Variants in FBXL17 observed in about 807,000 individuals in gnomAD.
FBXL17 encodes F-box/LRR-repeat protein 17.
FBXL17 carries 22 observed loss-of-function variants against 66.2 expected under a neutral mutation model. The observed-to-expected ratio is 0.33, with a 90% CI of 0.24 to 0.47. The LOEUF (loss-of-function observed/expected upper bound fraction) is 0.47, where lower values mean the gene tolerates loss of function less well. Ranked by LOEUF, FBXL17 falls within the 20% of genes least tolerant of loss-of-function variation. The pLI is 1.00. For missense variants in FBXL17, 878 were observed against 948.2 expected, an observed-to-expected ratio of 0.93 and a Z score of 0.97; for synonymous variants, 474 against 400.5, an observed-to-expected ratio of 1.18 and a Z score of -2.19.
In FBXL17 at chr5:108,042,581, G is replaced by A. The variant is rs148698208; in HGVS notation, c.1746-21580C>T. ...TCTCTGGAGATTCATCAAGGTTGCT[G>A]CGTCTACAAATAGTCTGTACCTTTT... On this transcript the variant is annotated intron_variant, in intron 6 of 8. Transcript: ENST00000542267. Among the ~76,000 whole-genome samples the A allele has an allele frequency of 1.6e-3, 249 of 152,326 alleles. 1 individual carries two copies. The highest frequency in any genetic ancestry group is 5.6e-3 in the African/African-American group (234 of 41,582).
At chr5:108,085,495 ATTC>A (rs1397180704) in intron 6 of FBXL17, among the ~76,000 whole-genome samples, 1 of 152,212 alleles carries the variant, frequency 6.6e-6, no homozygotes, top group African/African-American at 2.4e-5. Context: ...TAAGCTAATT[ATTC>A]TTCTTTACCT....
intron 3 of FBXL17, among the ~76,000 whole-genome samples, chr5:108,357,168 T>C (rs187817897): frequency 6.6e-6 from 1 of 152,078 alleles, no homozygotes; most frequent in East Asian, 1.9e-4. Flanking sequence ...TTACAATTAT[T>C]AACTAAAAAC....
intron 6 of FBXL17, among the ~76,000 whole-genome samples, chr5:108,058,290 G>A (rs755928307): frequency 1.1e-4 from 17 of 152,158 alleles, no homozygotes; most frequent in Non-Finnish European, 2.2e-4. Context: ...TGAGGTAAAT[G>A]TGATTGCAAA....
intron 8 of FBXL17, among the ~76,000 whole-genome samples, chr5:107,868,131 A>C (rs1357132898): frequency 1.3e-5 from 2 of 152,196 alleles, no homozygotes; most frequent in Non-Finnish European, 2.9e-5. Context: ...CCTATTTCAC[A>C]CAGCTAGCAA....
chr5:107,978,802 G>A (rs1752689612), intron 7 of FBXL17, among the ~76,000 whole-genome samples: 1 of 152,164 alleles, frequency 6.6e-6, no homozygotes, highest in South Asian at 2.1e-4. Flanking sequence ...TAATAACTCT[G>A]TTGTCTTGCA....
chr5:108,305,663 A>G (rs928583533), intron 4 of FBXL17, among the ~76,000 whole-genome samples: 15 of 152,080 alleles, frequency 9.9e-5, no homozygotes, highest in African/African-American at 3.4e-4. Flanking sequence ...AGCTAAGACT[A>G]CAAGTTCAGT....
intron 7 of FBXL17, among the ~76,000 whole-genome samples, chr5:107,897,740 T>C (rs1201931954): frequency 6.6e-6 from 1 of 151,348 alleles, no homozygotes; most frequent in Non-Finnish European, 1.5e-5. Flanking sequence ...AGATACAACA[T>C]GTAACAGTCT....
chr5:108,095,005 C>T (rs1291860405), intron 6 of FBXL17, among the ~76,000 whole-genome samples: 1 of 151,954 alleles, frequency 6.6e-6, no homozygotes, highest in African/African-American at 2.4e-5. Context: ...GAGGAAAAAA[C>T]TTGCTTCTCT....
chr5:108,288,816 G>C (rs142184565), intron 4 of FBXL17, among the ~76,000 whole-genome samples: 1 of 151,908 alleles, frequency 6.6e-6, no homozygotes, highest in African/African-American at 2.4e-5. Flanking sequence ...AATGGAGAGA[G>C]AGGTATCTAC....
intron 8 of FBXL17, among the ~76,000 whole-genome samples, chr5:107,873,271 GCTGCCCATTTGCTTGTCCTCTCCCAAGA>G (rs1365691696): frequency 2.0e-5 from 3 of 152,190 alleles, no homozygotes; most frequent in African/African-American, 7.2e-5. Flanking sequence ...CAGTACTGTA[GCTGCCCATTTGCTTGTCCTCTCCCAAGA>G]GGCTGCAGGC....
intron 7 of FBXL17, among the ~76,000 whole-genome samples, chr5:108,004,192 T>C (rs1753842733): frequency 6.6e-6 from 1 of 152,176 alleles, no homozygotes; most frequent in Non-Finnish European, 1.5e-5. Context: ...AATTCCTAAA[T>C]TGTATACCCA....
rs189561264 is a variant in FBXL17, at chr5:108,335,536, C to T, written c.1506+12863G>A. On this transcript the variant is annotated intron_variant, in intron 4 of 8. Transcript: ENST00000542267. The stretch of plus-strand genomic sequence containing the variant: ...CACTAAGGTGATTACAAGTTGACTC[C>T]AATAACTGGAAGTTCATTTCTACAA... Among the ~76,000 whole-genome samples, 17 of 151,956 alleles carry T rather than the reference C, an allele frequency of 1.1e-4. 1 individual carries two copies. The East Asian group carries it at 3.3e-3, about 29-fold the overall frequency.
rs528499866 is a variant in FBXL17, at chr5:108,354,722, AAGG to A, written c.1375-6195_1375-6193del. On this transcript the variant is annotated intron_variant, in intron 3 of 8. Coordinates refer to ENST00000542267, the MANE Select transcript of FBXL17 (RefSeq NM_001163315.3). ...ATCATTTTCAAACTGCAAAAAATCA[AAGG>A]TTAAAAAAAAAAAGAAAAAAAAAAG... Among the ~76,000 whole-genome samples, 854 of 151,794 alleles carry A rather than the reference AAGG, an allele frequency of 5.6e-3. 4 individuals carry two copies. Among genetic ancestry groups the A allele is most frequent in the Admixed American group, 0.011 (165 of 15,266 alleles).
At chr5:108,185,584 C>G (rs1172242108) in intron 6 of FBXL17, among the ~76,000 whole-genome samples, 2 of 151,908 alleles carry the variant, frequency 1.3e-5, no homozygotes, top group South Asian at 4.2e-4. Context: ...CTAATATAGG[C>G]GCAGTGGTGT....
chr5:108,222,793 C>T (rs1754926353), intron 5 of FBXL17, among the ~76,000 whole-genome samples: 2 of 151,264 alleles, frequency 1.3e-5, no homozygotes, highest in South Asian at 4.2e-4. Flanking sequence ...CCCATCTCAG[C>T]CTCCCAAGTA....
intron 7 of FBXL17, among the ~76,000 whole-genome samples, chr5:107,940,093 T>C (rs1325259927): frequency 6.6e-6 from 1 of 152,144 alleles, no homozygotes; most frequent in Non-Finnish European, 1.5e-5. Flanking sequence ...TTATTTCTAC[T>C]TAATAGATAA....
At chr5:108,157,144 C>A (rs1458343140) in intron 6 of FBXL17, among the ~76,000 whole-genome samples, 2 of 148,556 alleles carry the variant, frequency 1.3e-5, no homozygotes, top group Non-Finnish European at 3.0e-5. Flanking sequence ...TTCGATTTTC[C>A]AGTTCATGCA....
chr5:108,206,861 T>C (rs73778688), intron 5 of FBXL17, among the ~76,000 whole-genome samples: 8,717 of 152,178 alleles, frequency 0.057, 844 homozygotes, highest in African/African-American at 0.2. Context: ...TGTGCTTTCA[T>C]TGATCTTGAG....
intron 5 of FBXL17, among the ~76,000 whole-genome samples, chr5:108,208,396 C>T (rs1281152698): frequency 6.6e-6 from 1 of 152,034 alleles, no homozygotes; most frequent in African/African-American, 2.4e-5. Context: ...CATGCCTATG[C>T]CCTGAATGGT....
Sources: allele counts gnomAD v4.1 joint callset (sites outside exome capture counted in the v4.1 genomes callset), GRCh38; gene constraint gnomAD v4.1.1; transcripts MANE v1.5; gene names NCBI Gene and HGNC (gene_info 2026-07-23, HGNC 2026-07-21).